DGKB: variants seen among roughly 807,000 people sequenced by gnomAD.
DGKB encodes 90 kDa diacylglycerol kinase.
A neutral mutation model predicts 114.3 loss-of-function variants in DGKB; 67 were observed. That is an observed-to-expected ratio of 0.59 (90% confidence interval 0.48 to 0.72). DGKB has a LOEUF of 0.72. DGKB is among the 30% of genes least tolerant of loss of function. The pLI is 0.00. For missense variants in DGKB, 907 were observed against 975.2 expected, an observed-to-expected ratio of 0.93 and a Z score of 0.93; for synonymous variants, 398 against 323.1, an observed-to-expected ratio of 1.23 and a Z score of -2.49.
intron 23 of DGKB, among the ~76,000 whole-genome samples, chr7:14,264,685 CAGAA>C (rs1287836680): frequency 1.3e-5 from 2 of 152,238 alleles, no homozygotes; most frequent in Non-Finnish European, 2.9e-5. Context: ...TGAGACAACA[CAGAA>C]AGAAAGAGAG....
intron 21 of DGKB, among the ~76,000 whole-genome samples, chr7:14,352,874 G>A (rs1275830593): frequency 1.3e-5 from 2 of 152,150 alleles, no homozygotes; most frequent in African/African-American, 4.8e-5. Flanking sequence ...AGTGAGCTGA[G>A]ATCGTGCCAT....
At chr7:14,491,872 TGA>T (rs780326123) in intron 20 of DGKB, among the ~76,000 whole-genome samples, 17 of 152,060 alleles carry the variant, frequency 1.1e-4, no homozygotes, top group Non-Finnish European at 2.2e-4. Context: ...CTTAAAACCA[TGA>T]GAGACTCATA....
chr7:14,861,909 G>A (rs1851035784), intron 1 of DGKB, among the ~76,000 whole-genome samples: 1 of 151,940 alleles, frequency 6.6e-6, no homozygotes, highest in South Asian at 2.1e-4. Context: ...TTATGGAAAT[G>A]CTGTTAGGAA....
rs1723249 is a variant in DGKB at position 14,747,777 on chromosome 7, A to G, written c.168+6151T>C. On this transcript the variant is annotated intron_variant, in intron 4 of 25. Transcript: ENST00000402815. ...TGTGGGCTCAAACACATCCACGCGC[A>G]CGCACACACACACACACACACACAA... Among the ~76,000 whole-genome samples the G allele has an allele frequency of 5.7e-3, 445 of 77,474 alleles. 5 individuals carry two copies. The highest frequency in any genetic ancestry group is 0.053 in the African/African-American group (401 of 7,528). 50.8% of individuals were successfully genotyped at this position (77,474 alleles called of 152,430 possible).
At chr7:14,925,941 T>C (rs532774916) in intron 1 of DGKB, among the ~76,000 whole-genome samples, 25 of 152,186 alleles carry the variant, frequency 1.6e-4, no homozygotes, top group African/African-American at 5.5e-4. Context: ...AGTTCTGATA[T>C]TGTGTTGAAT....
At chr7:14,573,997 A>G (rs1160691020) in intron 20 of DGKB, among the ~76,000 whole-genome samples, 6 of 152,176 alleles carry the variant, frequency 3.9e-5, no homozygotes, top group Admixed American at 3.3e-4. Flanking sequence ...GACATGAAAA[A>G]TATGTCAATT....
At chr7:14,837,073 A>G (rs1005481587) in intron 2 of DGKB, among the ~76,000 whole-genome samples, 1 of 152,240 alleles carries the variant, frequency 6.6e-6, no homozygotes, top group Non-Finnish European at 1.5e-5. Flanking sequence ...CTTCATATAT[A>G]CTGATTCATT....
intron 14 of DGKB, among the ~76,000 whole-genome samples, chr7:14,624,856 G>A (rs914994211): frequency 2.4e-4 from 37 of 151,916 alleles, no homozygotes; most frequent in Non-Finnish European, 4.1e-4. Flanking sequence ...AAATATAGTC[G>A]GGCATGGTGG....
At chr7:14,778,350 TTTC>T (rs972632782) in intron 2 of DGKB, among the ~76,000 whole-genome samples, 1 of 152,016 alleles carries the variant, frequency 6.6e-6, no homozygotes, top group African/African-American at 2.4e-5. Context: ...CACGACCTGT[TTTC>T]TTGTTTTTTT....
At chr7:14,511,778 C>T (rs916495272) in intron 20 of DGKB, among the ~76,000 whole-genome samples, 4 of 152,090 alleles carry the variant, frequency 2.6e-5, no homozygotes, top group African/African-American at 9.7e-5. Flanking sequence ...CACTTGAATA[C>T]TTAGAGGCCA....
chr7:14,901,327 T>C (rs902131669), intron 1 of DGKB, among the ~76,000 whole-genome samples: 18 of 152,074 alleles, frequency 1.2e-4, no homozygotes, highest in African/African-American at 4.3e-4. Flanking sequence ...AGGATAAGAG[T>C]AGTCCTTGGT....
chr7:14,384,461 A>C (rs1349666518), intron 21 of DGKB, among the ~76,000 whole-genome samples: 1 of 152,092 alleles, frequency 6.6e-6, no homozygotes, highest in Non-Finnish European at 1.5e-5. Flanking sequence ...TACCCCCACC[A>C]CTAAACCCAA....
chr7:14,259,488 G>A (rs1166268882), intron 23 of DGKB, among the ~76,000 whole-genome samples: 1 of 151,568 alleles, frequency 6.6e-6, no homozygotes, highest in African/African-American at 2.4e-5. Context: ...GTGCGGTGGC[G>A]TGATCTCGGC....
intron 20 of DGKB, among the ~76,000 whole-genome samples, chr7:14,540,031 C>A (rs911374079): frequency 6.6e-6 from 1 of 151,910 alleles, no homozygotes; most frequent in Non-Finnish European, 1.5e-5. Flanking sequence ...GTGGACTTAT[C>A]ACATCATTTA....
chr7:14,326,517 T>G (rs1378591399), intron 23 of DGKB, among the ~76,000 whole-genome samples: 1 of 152,096 alleles, frequency 6.6e-6, no homozygotes, highest in Non-Finnish European at 1.5e-5. Flanking sequence ...ATGGACATTC[T>G]CACCTGGAGG....
rs184152818 is a variant in DGKB, at chr7:14,638,983, A to G, written c.1135-8715T>C. 1.1e-4 allele frequency among the ~76,000 whole-genome samples: 17 copies of G among 152,280 alleles called. No individual in the cohort carries two copies. In the East Asian group the frequency reaches 2.9e-3, roughly 26 times the overall value. On this transcript the variant is annotated intron_variant, in intron 13 of 25. Coordinates refer to ENST00000402815, the MANE Select transcript of DGKB (RefSeq NM_001350709.2). ...AACCCGGGAGGTGGAGGTTGCAGTG[A>G]GCTGAGATCACGCCACTGCACTGCA...
intron 2 of DGKB, among the ~76,000 whole-genome samples, chr7:14,815,982 G>C (rs546506321): frequency 7.9e-5 from 12 of 152,180 alleles, no homozygotes; most frequent in African/African-American, 2.6e-4. Context: ...ATAATACTAG[G>C]CATTGCTATA....
chr7:14,189,036 G>C (rs1783910860), intron 23 of DGKB, among the ~76,000 whole-genome samples: 1 of 152,210 alleles, frequency 6.6e-6, no homozygotes, highest in Non-Finnish European at 1.5e-5. Flanking sequence ...AAACACTTGA[G>C]AGTGCTACAA....
At chr7:14,754,012 A>C (rs895777428) in intron 3 of DGKB, 64 bp from the exon 4 acceptor site, 156 of 1,091,772 alleles carry the variant, frequency 1.4e-4, no homozygotes, top group Non-Finnish European at 1.9e-4. Context: ...TCATTATCTC[A>C]TATCTCTGAT....
Sources: gnomAD v4.1 joint callset for allele counts (sites outside exome capture counted in the v4.1 genomes callset) on GRCh38, gnomAD v4.1.1 for gene constraint, MANE v1.5 for transcripts, NCBI Gene and HGNC (gene_info 2026-07-23, HGNC 2026-07-21) for gene names.